Variants in FBXO36 observed in about 807,000 individuals in gnomAD.
FBXO36 encodes F-box only protein 36.
Under a neutral mutation model 17.0 loss-of-function variants are expected in FBXO36, and 18 were observed. The observed-to-expected ratio is 1.06, with a 90% confidence interval of 0.73 to 1.57. The LOEUF is 1.57. Ranked by LOEUF, FBXO36 falls within the 40% of genes most tolerant of loss-of-function variation. FBXO36 has a pLI of 0.00. For missense variants in FBXO36, 229 were observed against 221.9 expected (o/e 1.03, Z -0.20); for synonymous variants, 83 against 85.3 (o/e 0.97, Z 0.15).
At chr2:229,966,382 A>G (rs557904169) in intron 1 of FBXO36, among the ~76,000 whole-genome samples, 2 of 152,194 alleles carry the variant, frequency 1.3e-5, no homozygotes, top group East Asian at 1.9e-4. Flanking sequence ...TCTTTAGTTT[A>G]ATTAGATCCC....
chr2:229,996,165 C>G (rs2077326057), intron 2 of FBXO36, among the ~76,000 whole-genome samples: 1 of 151,718 alleles, frequency 6.6e-6, no homozygotes, highest in African/African-American at 2.4e-5. Flanking sequence ...ATAGTCCCAG[C>G]TACTTGGGAG....
chr2:229,983,615 C>T (rs1222298385), intron 2 of FBXO36, among the ~76,000 whole-genome samples: 2 of 152,142 alleles, frequency 1.3e-5, no homozygotes, highest in Non-Finnish European at 2.9e-5. Flanking sequence ...CCCAGGTTTG[C>T]ATTTTTAAGA....
intron 3 of FBXO36, among the ~76,000 whole-genome samples, chr2:230,003,967 G>A (rs1250984684): frequency 6.6e-6 from 1 of 152,168 alleles, no homozygotes; most frequent in Non-Finnish European, 1.5e-5. Context: ...CTCTGGTCAT[G>A]CCATTGTCCT....
chr2:230,010,659 T>G (rs1406932129), intron 3 of FBXO36, 37 bp from the exon 4 acceptor site: 3 of 1,565,562 alleles, frequency 1.9e-6, no homozygotes, highest in Non-Finnish European at 2.6e-6. Context: ...TTAACACATG[T>G]GTGCTGTAAC....
At chr2:230,002,506 C>G (rs2077365103) in intron 3 of FBXO36, among the ~76,000 whole-genome samples, 1 of 152,102 alleles carries the variant, frequency 6.6e-6, no homozygotes, top group African/African-American at 2.4e-5. Flanking sequence ...ACCTCAGCCT[C>G]CTGGGTAGCT....
chr2:229,984,481 C>T (rs1209717884), intron 2 of FBXO36, among the ~76,000 whole-genome samples: 5 of 150,808 alleles, frequency 3.3e-5, no homozygotes, highest in African/African-American at 4.8e-5. Context: ...ACGCCGCTCC[C>T]GGGTTCACGT....
intron 2 of FBXO36, among the ~76,000 whole-genome samples, chr2:229,989,394 A>C (rs545903016): frequency 1.3e-5 from 2 of 152,230 alleles, no homozygotes; most frequent in Admixed American, 6.5e-5. Flanking sequence ...AGTAGCTGGG[A>C]TTACAGGCAT....
At chr2:229,936,609 T>C (rs1387826923) in intron 1 of FBXO36, among the ~76,000 whole-genome samples, 1 of 152,098 alleles carries the variant, frequency 6.6e-6, no homozygotes, top group African/African-American at 2.4e-5. Context: ...TGGCTCACAC[T>C]TGTAATCCCA....
intron 1 of FBXO36, chr2:229,945,066 T>G (rs1560435344): frequency 6.6e-6 from 1 of 152,160 alleles, no homozygotes; most frequent in Non-Finnish European, 1.5e-5. Flanking sequence ...AAGGTAAATA[T>G]GATTTATGAC....
At chr2:230,007,293 G>A (rs1325733590) in intron 3 of FBXO36, among the ~76,000 whole-genome samples, 1 of 152,250 alleles carries the variant, frequency 6.6e-6, no homozygotes, top group African/African-American at 2.4e-5. Flanking sequence ...GTCATGACAG[G>A]CATATAAACA....
chr2:229,995,882 G>T (rs576970141), intron 2 of FBXO36, among the ~76,000 whole-genome samples: 6 of 151,422 alleles, frequency 4.0e-5, no homozygotes, highest in Non-Finnish European at 5.9e-5. Context: ...GTGAGCCTCC[G>T]TGCCCAGCCC....
At chr2:229,958,869 C>T (rs2077105941) in intron 1 of FBXO36, among the ~76,000 whole-genome samples, 1 of 152,186 alleles carries the variant, frequency 6.6e-6, no homozygotes, top group Non-Finnish European at 1.5e-5. Flanking sequence ...GGCATGTTTA[C>T]ATGTATCATT....
chr2:229,955,893 T>C (rs774768966), intron 1 of FBXO36, among the ~76,000 whole-genome samples: 3 of 152,206 alleles, frequency 2.0e-5, no homozygotes, highest in Non-Finnish European at 4.4e-5. Flanking sequence ...TAGGACCAAA[T>C]AGACCTGGAT....
intron 2 of FBXO36, among the ~76,000 whole-genome samples, chr2:229,979,423 TTTG>T (rs1371036423): frequency 2.6e-5 from 4 of 151,932 alleles, no homozygotes; most frequent in Admixed American, 6.6e-5. Flanking sequence ...AATGTGATAG[TTTG>T]TTGTTGTTTT....
chr2:229,996,650 C>T (rs1182145885), intron 2 of FBXO36, 101 bp from the exon 3 acceptor site: 2 of 1,287,162 alleles, frequency 1.6e-6, no homozygotes, highest in Non-Finnish European at 2.1e-6. Flanking sequence ...TCTAACGTCA[C>T]TCCCAGGGGA....
intron 1 of FBXO36, among the ~76,000 whole-genome samples, chr2:229,949,654 G>T (rs1480901394): frequency 6.6e-6 from 1 of 152,030 alleles, no homozygotes; most frequent in Non-Finnish European, 1.5e-5. Context: ...TGCCAGGCAT[G>T]GTGGCTCACA....
chr2:229,972,382 G>A lies in FBXO36; in HGVS notation c.97-3859G>A, dbSNP rs80083213. Among the ~76,000 whole-genome samples, 376 of 152,220 alleles carry A rather than the reference G, an allele frequency of 2.5e-3. 1 individual carries two copies. Among genetic ancestry groups the A allele is most frequent in the Non-Finnish European group, 4.2e-3 (286 of 68,016 alleles). On this transcript the variant is annotated intron_variant, in intron 1 of 3. Transcript: ENST00000283946. ...ACTGAAAGCTGAAATAATTATCTTT[G>A]AAGATTATGATTAGGAAAATAGATC...
intron 1 of FBXO36, among the ~76,000 whole-genome samples, chr2:229,942,171 T>C (rs1389531166): frequency 7.9e-5 from 12 of 152,212 alleles, no homozygotes; most frequent in Admixed American, 3.3e-4. Flanking sequence ...CTGGGCCTCT[T>C]TGTCTGGCTA....
chr2:229,927,784 C>A (rs948934218), intron 1 of FBXO36, among the ~76,000 whole-genome samples: 2 of 151,342 alleles, frequency 1.3e-5, no homozygotes, highest in Non-Finnish European at 2.9e-5. Context: ...GCTCACCCCT[C>A]TAAAAAAAAT....
Sources: gnomAD v4.1 joint callset for allele counts (sites outside exome capture counted in the v4.1 genomes callset) on GRCh38, gnomAD v4.1.1 for gene constraint, MANE v1.5 for transcripts, NCBI Gene and HGNC (gene_info 2026-07-23, HGNC 2026-07-21) for gene names.